The following SASH1 variants were observed in gnomAD, a reference collection of about 807,000 sequenced individuals.
SASH1 encodes SAM and SH3 domain-containing protein 1.
SASH1 carries 44 observed loss-of-function variants against 125.2 expected under a neutral mutation model. That is an observed-to-expected ratio of 0.35 (90% confidence interval 0.28 to 0.45). The LOEUF (loss-of-function observed/expected upper bound fraction) is 0.45, where lower values mean the gene tolerates loss of function less well. SASH1 is among the 20% of genes least tolerant of loss of function. The pLI, the probability that SASH1 is intolerant of heterozygous loss-of-function variation, is 1.00. For synonymous variants in SASH1, 639 were observed against 649.1 expected (o/e 0.98, Z 0.24); for missense variants, 1,426 against 1,614.5 (o/e 0.88, Z 2.00).
chr6:148,539,203 A>AT (rs763754816), intron 16 of SASH1, among the ~76,000 whole-genome samples: 1 of 129,802 alleles, frequency 7.7e-6, no homozygotes, highest in Non-Finnish European at 1.7e-5. Context: ...TCTTTATTTT[A>AT]TTTTTTATTT....
intron 4 of SASH1, among the ~76,000 whole-genome samples, chr6:148,450,561 C>T (rs564417744): frequency 1.3e-5 from 2 of 152,102 alleles, no homozygotes; most frequent in Admixed American, 6.5e-5. Flanking sequence ...TAGCATTTTC[C>T]ATGGATCTGA....
At chr6:148,538,696 C>T (rs149135657) in intron 16 of SASH1, among the ~76,000 whole-genome samples, 15 of 152,330 alleles carry the variant, frequency 9.8e-5, no homozygotes, top group African/African-American at 3.6e-4. Flanking sequence ...AGCCGGAGAG[C>T]TGCCAGAGCC....
At chr6:148,215,881 A>C in the SASH1 span, among the ~76,000 whole-genome samples, 2 of 152,082 alleles carry the variant, frequency 1.3e-5, no homozygotes, top group Non-Finnish European at 2.9e-5. Flanking sequence ...TTTTTGAGAA[A>C]GAGCCTTGCC....
intron 4 of SASH1, among the ~76,000 whole-genome samples, chr6:148,460,520 C>T (rs188179823): frequency 1.1e-4 from 16 of 152,252 alleles, no homozygotes; most frequent in Admixed American, 6.5e-5. Context: ...CCATTTCTTT[C>T]GGAGAGTTAA....
At chr6:148,435,699 A>G (rs1014370981) in intron 2 of SASH1, among the ~76,000 whole-genome samples, 9 of 152,204 alleles carry the variant, frequency 5.9e-5, no homozygotes, top group African/African-American at 2.2e-4. Flanking sequence ...TTTTCTTCAA[A>G]GTAAAATGAG....
intron 8 of SASH1, among the ~76,000 whole-genome samples, chr6:148,488,917 G>T (rs979583630): frequency 6.6e-6 from 1 of 152,104 alleles, no homozygotes; most frequent in Non-Finnish European, 1.5e-5. Flanking sequence ...CTCCCACTCT[G>T]TGGGATGCCT....
chr6:148,298,038 G>A (rs541643625), intron 1 of SASH1, among the ~76,000 whole-genome samples: 7 of 149,092 alleles, frequency 4.7e-5, no homozygotes, highest in East Asian at 2.0e-4. Flanking sequence ...ATGGAGTCTC[G>A]CTCTGTCGCC....
chr6:148,464,890 T>C (rs1266984879), intron 4 of SASH1, among the ~76,000 whole-genome samples: 1 of 151,918 alleles, frequency 6.6e-6, no homozygotes, highest in African/African-American at 2.4e-5. Flanking sequence ...AAAAACAAAA[T>C]CCCACTCACC....
rs556881000 is a variant in SASH1 at position 148,534,754 on chromosome 6, C to T, written c.1948C>T (p.His650Tyr). 8 of 1,614,206 alleles carry T rather than the reference C, an allele frequency of 5.0e-6. No individual in the cohort carries two copies. The East Asian group carries it at 1.1e-4, about 22-fold the overall frequency. Residue 650 changes from histidine to tyrosine, a missense_variant, in exon 16 of 20, where the codon CAC (histidine) becomes TAC (tyrosine). By Grantham distance (83) the His-to-Tyr change is moderately conservative. Coordinates refer to ENST00000367467, the MANE Select transcript of SASH1 (RefSeq NM_015278.5). ...GTCTTCCTTCTCCCTCTCACAGGAG[C>T]ACATGCCCACTTTCCTGTTCAATGG... is the stretch of plus-strand genomic sequence containing the variant. ...DLLDRINLKE[H>Y]MPTFLFNGYE... is the part of the protein sequence containing the mutation.
intron 2 of SASH1, among the ~76,000 whole-genome samples, chr6:148,410,810 G>T (rs1017427640): frequency 7.2e-5 from 11 of 152,164 alleles, no homozygotes; most frequent in African/African-American, 2.7e-4. Flanking sequence ...ACACGCTGTA[G>T]TGCCACAGGC....
At chr6:148,491,967 G>A (rs1027679950) in intron 8 of SASH1, among the ~76,000 whole-genome samples, 2 of 152,138 alleles carry the variant, frequency 1.3e-5, no homozygotes, top group African/African-American at 4.8e-5. Context: ...TGTAAATCAC[G>A]AACCTAAAGG....
intron 8 of SASH1, chr6:148,513,778 A>G (rs1027084305): frequency 7.1e-6 from 7 of 985,914 alleles, no homozygotes; most frequent in African/African-American, 1.7e-5. Context: ...GCTGGCTGCA[A>G]TGTGGCAGAC....
chr6:148,275,672 A>C (rs1405586770), intron 1 of SASH1, among the ~76,000 whole-genome samples: 1 of 152,180 alleles, frequency 6.6e-6, no homozygotes, highest in Non-Finnish European at 1.5e-5. Context: ...GCTCGCTTGC[A>C]TTTCCATAAG....
At chr6:148,422,467 C>T (rs1224562428) in intron 2 of SASH1, among the ~76,000 whole-genome samples, 1 of 152,190 alleles carries the variant, frequency 6.6e-6, no homozygotes, top group Non-Finnish European at 1.5e-5. Flanking sequence ...CCCTGACAAA[C>T]AGCTGCTGTT....
At chr6:148,382,594 A>T (rs1783187395) in intron 1 of SASH1, among the ~76,000 whole-genome samples, 2 of 151,928 alleles carry the variant, frequency 1.3e-5, no homozygotes, top group South Asian at 4.2e-4. Context: ...CTGGCCCCCC[A>T]ATTTTTTTTC....
At position 148,383,897 on chromosome 6, in the gene SASH1, A is replaced by G. The variant is rs538244576; in HGVS notation, c.157-6237A>G. On this transcript the variant is annotated intron_variant, in intron 1 of 19. Coordinates refer to ENST00000367467, the MANE Select transcript of SASH1 (RefSeq NM_015278.5). ...CACCCAATCTGAACTGCTCGGTACA[A>G]TGCCCCTTATCTCTGTATTTTTATG... is the stretch of plus-strand genomic sequence containing the variant. Among the ~76,000 whole-genome samples, 8 of 152,262 alleles carry G rather than the reference A, an allele frequency of 5.3e-5. No individual in the cohort carries two copies. In the South Asian group the frequency reaches 1.7e-3, roughly 32 times the overall value.
chr6:148,372,895 G>C (rs1487944628), intron 1 of SASH1, among the ~76,000 whole-genome samples: 1 of 152,066 alleles, frequency 6.6e-6, no homozygotes, highest in African/African-American at 2.4e-5. Context: ...TGAAAAAATG[G>C]TAAGAAGAAA....
chr6:148,401,780 G>A (rs928816627), intron 2 of SASH1, among the ~76,000 whole-genome samples: 4 of 146,096 alleles, frequency 2.7e-5, no homozygotes, highest in African/African-American at 9.8e-5. Context: ...ATCTGGATGT[G>A]TGTGTGGGGG....
At chr6:148,301,618 G>A (rs913356509) in intron 1 of SASH1, among the ~76,000 whole-genome samples, 1 of 151,186 alleles carries the variant, frequency 6.6e-6, no homozygotes, top group Middle Eastern at 3.4e-3. Context: ...TTGCTCTGTG[G>A]CCCAGGCTGG....
Sources: gnomAD v4.1 joint callset for allele counts (sites outside exome capture counted in the v4.1 genomes callset) on GRCh38, gnomAD v4.1.1 for gene constraint, MANE v1.5 for transcripts, NCBI Gene and HGNC (gene_info 2026-07-23, HGNC 2026-07-21) for gene names.